PHLPP1: variants seen among roughly 807,000 people sequenced by gnomAD.
PHLPP1 encodes the protein PH domain leucine-rich repeat-containing protein phosphatase 1.
PHLPP1 carries 42 observed loss-of-function variants against 117.2 expected under a neutral mutation model. The ratio of observed to expected loss-of-function variants is 0.36; its 90% CI spans 0.28 to 0.46. PHLPP1 has a LOEUF of 0.46. Ranked by LOEUF, PHLPP1 falls within the 20% of genes least tolerant of loss-of-function variation. The pLI is 1.00. For synonymous variants in PHLPP1, 1,042 were observed against 970.7 expected (o/e 1.07, Z -1.37); for missense variants, 2,084 against 2,241.9 (o/e 0.93, Z 1.42).
rs569573928 is a variant in PHLPP1, at chr18:62,870,717, A to G, written c.2066+10116A>G. 1.3e-3 allele frequency among the ~76,000 whole-genome samples: 205 copies of G among 152,316 alleles called. 1 individual carries two copies. Among genetic ancestry groups the G allele is most frequent in the Middle Eastern group, 3.4e-3 (1 of 294 alleles). ...TATCCCCTTAATTTTTCTTTCTACT[A>G]CAAATTTTTACCTTTAACAAATGAG... On this transcript the variant is annotated intron_variant, in intron 4 of 16. Transcript: ENST00000262719.
At chr18:62,762,475 G>A (rs1329681863) in intron 1 of PHLPP1, among the ~76,000 whole-genome samples, 5 of 146,480 alleles carry the variant, frequency 3.4e-5, no homozygotes, top group Admixed American at 6.9e-5. Flanking sequence ...GTGCAGTGGC[G>A]CAATCTCGGC....
Position 62,766,104 on chromosome 18 carries a change from A to ATATATTATATATATATATAT in PHLPP1, c.1576+48845_1576+48846insTATATTATATATATATATAT, listed in dbSNP as rs1289379653. The stretch of plus-strand genomic sequence containing the variant: ...ATATATATATATATATATATATATA[A>ATATATTATATATATATATAT]AATATATATATATTTGTACAGAAAA... On this transcript the variant is annotated intron_variant, in intron 1 of 16. Coordinates refer to ENST00000262719, the MANE Select transcript of PHLPP1 (RefSeq NM_194449.4). Among the ~76,000 whole-genome samples, 153 of 40,892 alleles carry ATATATTATATATATATATAT rather than the reference A, an allele frequency of 3.7e-3. 4 individuals are homozygous for ATATATTATATATATATATAT. The highest frequency in any genetic ancestry group is 0.011 in the Middle Eastern group (1 of 90). 26.8% of individuals were successfully genotyped at this position (40,892 alleles called of 152,430 possible). A position where few individuals can be genotyped will look rare whatever the true frequency, so the allele number is the denominator to read the frequency against.
At chr18:62,928,740 A>G (rs1222846718) in intron 10 of PHLPP1, among the ~76,000 whole-genome samples, 2 of 151,880 alleles carry the variant, frequency 1.3e-5, no homozygotes, top group East Asian at 4.0e-4. Flanking sequence ...ACAACTGGAA[A>G]GTAGAACTCA....
intron 1 of PHLPP1, 35 bp downstream of exon 1, chr18:62,717,294 A>G: frequency 6.5e-7 from 1 of 1,535,826 alleles, no homozygotes; most frequent in Non-Finnish European, 8.8e-7. Flanking sequence ...GGTGGTTGCA[A>G]AAGCTGCCGA....
chr18:62,951,004 GTC>G (rs1249828792), intron 12 of PHLPP1, among the ~76,000 whole-genome samples: 2 of 149,506 alleles, frequency 1.3e-5, no homozygotes, highest in East Asian at 3.9e-4. Context: ...TTGAGTTGGA[GTC>G]TCTCTCGCTC....
intron 3 of PHLPP1, among the ~76,000 whole-genome samples, chr18:62,841,461 T>G (rs1915049477): frequency 6.6e-6 from 1 of 151,198 alleles, no homozygotes; most frequent in Non-Finnish European, 1.5e-5. Context: ...GCCTACTGAG[T>G]AGCTTTGACT....
intron 6 of PHLPP1, among the ~76,000 whole-genome samples, chr18:62,897,655 C>T (rs573707617): frequency 6.1e-4 from 93 of 152,118 alleles, no homozygotes; most frequent in African/African-American, 1.5e-3. Flanking sequence ...TACAAGTGCC[C>T]GCCACCACAC....
In PHLPP1 at chr18:62,726,471, C is replaced by G. The variant is rs537166749; in HGVS notation, c.1576+9212C>G. On this transcript the variant is annotated intron_variant, in intron 1 of 16. Transcript: ENST00000262719. ...GTCTTTTCCTCTAGGTTTTCAGGGT[C>G]TGTGTCATGCTTAGGAATATCTCTT... 9.0e-4 allele frequency among the ~76,000 whole-genome samples: 136 copies of G among 151,148 alleles called. 1 individual carries two copies. Among genetic ancestry groups the G allele is most frequent in the African/African-American group, 3.2e-3 (133 of 41,188 alleles).
In PHLPP1 at chr18:62,941,877, C is replaced by T. The variant is rs769941962; in HGVS notation, c.3120C>T (p.Ile1040=). 10 of 1,613,966 alleles carry T rather than the reference C, an allele frequency of 6.2e-6. No homozygotes were observed. In the Admixed American group the frequency reaches 1.5e-4, roughly 24 times the overall value. Residue 1040 remains isoleucine (I), a synonymous_variant, in exon 11 of 17, where the codon ATC becomes ATT. Transcript: ENST00000262719. ...TAACGGGACACCCCCATTTGAAGATCCTTCACATGGCCTATAACCGACTTC... is the reference window on the plus strand; with the variant it reads ...TAACGGGACACCCCCATTTGAAGATTCTTCACATGGCCTATAACCGACTTC... ...PLLTGHPHLK[I]LHMAYNRLQS... is the part of the protein sequence containing the mutation.
At chr18:62,924,878 A>G (rs1288445540) in intron 10 of PHLPP1, among the ~76,000 whole-genome samples, 2 of 151,032 alleles carry the variant, frequency 1.3e-5, no homozygotes, top group Admixed American at 6.6e-5. Flanking sequence ...AGAATAGTAT[A>G]TATTAATCTG....
At chr18:62,848,275 T>A (rs1385231255) in intron 3 of PHLPP1, among the ~76,000 whole-genome samples, 1 of 152,094 alleles carries the variant, frequency 6.6e-6, no homozygotes, top group East Asian at 1.9e-4. Flanking sequence ...GTTGACATAT[T>A]TTCTAAACAA....
At chr18:62,760,606 T>G (rs1262892526) in intron 1 of PHLPP1, among the ~76,000 whole-genome samples, 1 of 152,210 alleles carries the variant, frequency 6.6e-6, no homozygotes, top group Non-Finnish European at 1.5e-5. Flanking sequence ...TCCCACCCCC[T>G]GGAGTGGTTG....
chr18:62,844,157 G>A (rs1220890391), intron 3 of PHLPP1, among the ~76,000 whole-genome samples: 1 of 151,974 alleles, frequency 6.6e-6, no homozygotes, highest in Non-Finnish European at 1.5e-5. Flanking sequence ...GACCAGCCTG[G>A]CCAACATGGT....
chr18:62,716,511 G>T lies in PHLPP1; in HGVS notation c.828G>T (p.Pro276=), dbSNP rs911295112. 16 of 1,198,256 alleles carry T rather than the reference G, an allele frequency of 1.3e-5. No individual in the cohort carries two copies. In the African/African-American group the frequency reaches 2.6e-4, roughly 19 times the overall value. 74.2% of individuals were successfully genotyped at this position (1,198,256 alleles called of 1,614,324 possible). A position where few individuals can be genotyped will look rare whatever the true frequency, so the allele number is the denominator to read the frequency against. The part of the protein sequence containing the change: ...EAGPRLAPPE[P]RDSEVPPARS... ...GCCCCCGGCTGGCGCCCCCGGAGCCGCGGGACTCGGAGGTACCGCCCGCGA... is the reference window on the plus strand; with the variant it reads ...GCCCCCGGCTGGCGCCCCCGGAGCCTCGGGACTCGGAGGTACCGCCCGCGA... The change falls in exon 1 of 17, where the codon CCG becomes CCT. Residue 276 remains proline, a synonymous_variant. Transcript: ENST00000262719. This position sits in a 1 kb window ranked among gnomAD's most constrained non-coding sequence, Gnocchi z 5.7.
intron 10 of PHLPP1, among the ~76,000 whole-genome samples, chr18:62,940,386 A>C (rs530848923): frequency 2.2e-4 from 8 of 36,554 alleles, no homozygotes; most frequent in African/African-American, 9.6e-4. Context: ...TTTTTTTGAG[A>C]TGGAATCTCG....
chr18:62,942,319 G>A (rs1036960469), intron 11 of PHLPP1, among the ~76,000 whole-genome samples: 4 of 152,058 alleles, frequency 2.6e-5, no homozygotes, highest in Admixed American at 2.6e-4. Flanking sequence ...TGAAGAATTC[G>A]AGACCAGCCT....
intron 1 of PHLPP1, among the ~76,000 whole-genome samples, chr18:62,721,435 T>G (rs962362637): frequency 2.0e-5 from 3 of 151,634 alleles, no homozygotes; most frequent in South Asian, 2.1e-4. Context: ...TGTGGGTGTG[T>G]GTGTGTGTGT....
At chr18:62,770,103 A>T (rs915594485) in intron 1 of PHLPP1, among the ~76,000 whole-genome samples, 4 of 151,668 alleles carry the variant, frequency 2.6e-5, no homozygotes, top group South Asian at 4.2e-4. Flanking sequence ...TTTTATTTTT[A>T]TTTTATTTTT....
rs553951871 is a variant in PHLPP1, at chr18:62,937,012, G to A, written c.2961-4706G>A. ...GTTGTGACTATGTAGAGTTTTAATG[G>A]TATATAAGTCCCAGTACAGATTTCC... On this transcript the variant is annotated intron_variant, in intron 10 of 16. Transcript: ENST00000262719. Among the ~76,000 whole-genome samples the A allele has an allele frequency of 2.6e-5, 4 of 152,240 alleles. No individual in the cohort carries two copies. In the East Asian group the frequency reaches 7.7e-4, roughly 29 times the overall value.
Sources: gnomAD v4.1 joint callset for allele counts (sites outside exome capture counted in the v4.1 genomes callset) on GRCh38, gnomAD v4.1.1 for gene constraint, Gnocchi (gnomAD v3.1) non-coding constraint, MANE v1.5 for transcripts, NCBI Gene and HGNC (gene_info 2026-07-23, HGNC 2026-07-21) for gene names.